Variants in RAPGEF3 observed in about 807,000 individuals in gnomAD.
RAPGEF3 encodes the protein 9330170P05Rik.
RAPGEF3 carries 103 observed loss-of-function variants against 129.8 expected under a neutral mutation model. The ratio of observed to expected loss-of-function variants is 0.79; its 90% CI spans 0.68 to 0.93. RAPGEF3 has a LOEUF of 0.93. RAPGEF3 is among the 40% of genes least tolerant of loss of function. The pLI, the probability that RAPGEF3 is intolerant of heterozygous loss-of-function variation, is 0.00. For missense variants in RAPGEF3, 1,117 were observed against 1,207.4 expected (o/e 0.93, Z 1.11); for synonymous variants, 436 against 482.6 (o/e 0.90, Z 1.26).
Position 47,740,185 on chromosome 12 carries a change from G to A in RAPGEF3, c.2329C>T (p.Pro777Ser). 3 of 1,613,650 alleles carry A rather than the reference G, an allele frequency of 1.9e-6. No homozygotes were observed. The highest frequency in any genetic ancestry group is 2.5e-6 in the Non-Finnish European group (3 of 1,179,872). The part of the protein sequence containing the change: ...SRLAHTWERL[P>S]HKVRKLYSAL... Reference sequence around the variant, plus strand: ...GAGTACAGCTTCCGGACTTTGTGAGGCAGCCGCTGTGAAAAGGAGGCAGAT... The same window carrying A: ...GAGTACAGCTTCCGGACTTTGTGAGACAGCCGCTGTGAAAAGGAGGCAGAT... Residue 777 changes from proline to serine, a missense_variant, in exon 23 of 28, where the codon CCT (proline) becomes TCT (serine). Pro to Ser is a moderately conservative substitution (Grantham distance 74). Around this residue, in one of 3 missense-constraint regions of RAPGEF3, gnomAD observed 643 missense variants for 673.4 expected, o/e 0.95. Transcript: ENST00000449771.
intron 18 of RAPGEF3, chr12:47,742,002 A>T (rs149739761): frequency 5.1e-6 from 1 of 195,536 alleles, no homozygotes; most frequent in African/African-American, 2.3e-5. Context: ...AGTGTCTTAT[A>T]TAAGCCTTGG....
At chr12:47,758,386 C>G in intron 1 of RAPGEF3, 165 bp downstream of exon 1, 1 of 1,516,092 alleles carries the variant, frequency 6.6e-7, no homozygotes, top group Non-Finnish European at 8.9e-7. Context: ...CAGTATGAAG[C>G]TATAGATTCA....
At chr12:47,756,966 T>TA (rs112318307) in intron 2 of RAPGEF3, among the ~76,000 whole-genome samples, 2,191 of 136,656 alleles carry the variant, frequency 0.016, 37 homozygotes, top group African/African-American at 0.054. Context: ...AGACTCTGGT[T>TA]AAAAAAAAAA....
Position 47,749,036 on chromosome 12 carries a change from G to T in RAPGEF3, c.1042-105C>A. 2.1e-6 allele frequency: 2 copies of T among 969,236 alleles called. No individual in the cohort carries two copies. Among genetic ancestry groups the T allele is most frequent in the Non-Finnish European group, 1.6e-6 (1 of 624,180 alleles). The allele number at this position is 969,236 out of a possible 1,614,324, so 60.0% of individuals were successfully genotyped here. A position where few individuals can be genotyped will look rare whatever the true frequency, so the allele number is the denominator to read the frequency against. ...CCCTGAGCCCCATGAGGGTCCCACA[G>T]GGACCCACAGCCCTTCTCCCACCTC... is the stretch of plus-strand genomic sequence containing the variant. On this transcript the variant is annotated intron_variant, in intron 10 of 27. Coordinates refer to ENST00000449771, the MANE Select transcript of RAPGEF3 (RefSeq NM_001098531.4). The surrounding 1 kb of genome is among the most constrained non-coding windows in gnomAD (Gnocchi z 4.5).
chr12:47,752,124 C>T (rs1941789382), intron 2 of RAPGEF3, among the ~76,000 whole-genome samples, 155 bp from the exon 3 acceptor site: 1 of 152,212 alleles, frequency 6.6e-6, no homozygotes, highest in African/African-American at 2.4e-5. Flanking sequence ...AATATTCACT[C>T]AGCACCCTGT....
chr12:47,758,773 G>T lies in RAPGEF3; in HGVS notation c.-217C>A. 1 of 1,226,932 alleles carries T rather than the reference G, an allele frequency of 8.2e-7. No homozygotes were observed. Among genetic ancestry groups the T allele is most frequent in the Non-Finnish European group, 1.0e-6 (1 of 982,606 alleles). 76.0% of individuals were successfully genotyped at this position (1,226,932 alleles called of 1,614,324 possible). ...CTTGGGTGAGTAGAGGGGTGGGGGCGTGGTGGGGGGACGCCACCCAGCCAC... is the reference window on the plus strand; with the variant it reads ...CTTGGGTGAGTAGAGGGGTGGGGGCTTGGTGGGGGGACGCCACCCAGCCAC... On this transcript the variant is annotated 5_prime_UTR_variant, in exon 1 of 28. Coordinates refer to ENST00000449771, the MANE Select transcript of RAPGEF3 (RefSeq NM_001098531.4).
intron 19 of RAPGEF3, 178 bp downstream of exon 19, chr12:47,741,327 C>T: frequency 1.4e-6 from 1 of 693,042 alleles, no homozygotes; most frequent in East Asian, 2.7e-5. Flanking sequence ...CCCTGCCCTG[C>T]ACTATCTTGG....
chr12:47,757,843 C>G, intron 2 of RAPGEF3, 23 bp downstream of exon 2: 1 of 1,544,116 alleles, frequency 6.5e-7, no homozygotes, highest in South Asian at 1.2e-5. Context: ...GCCCTGGCAC[C>G]TGGGCAGGTG....
rs924542127 is a variant in RAPGEF3 at position 47,748,738 on chromosome 12, G to T, written c.1154+81C>A. ...CATCCACAAGTGGCCAGAGGGCAGG[G>T]ATATGACACAGGGGAAGGGAGCAAA... On this transcript the variant is annotated intron_variant, in intron 11 of 27. Coordinates refer to ENST00000449771, the MANE Select transcript of RAPGEF3 (RefSeq NM_001098531.4). 14 of 1,186,356 alleles carry T rather than the reference G, an allele frequency of 1.2e-5. 1 individual carries two copies. The highest frequency in any genetic ancestry group is 1.8e-5 in the Non-Finnish European group (14 of 794,846). 73.5% of individuals were successfully genotyped at this position (1,186,356 alleles called of 1,614,324 possible).
At chr12:47,739,254 G>C (rs1047626495) in intron 23 of RAPGEF3, 24 bp from the exon 24 acceptor site, 5 of 1,565,284 alleles carry the variant, frequency 3.2e-6, no homozygotes, top group Admixed American at 3.4e-5. Flanking sequence ...CCACACTGAG[G>C]GGGTTGCACA....
intron 18 of RAPGEF3, 126 bp downstream of exon 18, chr12:47,743,404 C>G: frequency 1.6e-6 from 2 of 1,275,460 alleles, no homozygotes; most frequent in Non-Finnish European, 2.2e-6. Flanking sequence ...CCCATTAATG[C>G]TAGCCATCAT....
At position 47,740,912 on chromosome 12, in the gene RAPGEF3, T is replaced by C. The variant is rs2074533; in HGVS notation, c.2049+3A>G. ...TCTCCTCCCCCAGCTCTGCCTCCCA[T>C]ACCTGGTGGATACTGTTGAAGAGGC... On this transcript the variant is annotated splice_donor_region_variant and intron_variant, in intron 20 of 27. Transcript: ENST00000449771. 887,257 of 1,613,440 alleles carry C rather than the reference T, an allele frequency of 0.55. 246,385 individuals are homozygous for C. Among genetic ancestry groups the C allele is most frequent in the Middle Eastern group, 0.67 (4,047 of 6,058 alleles).
rs746296925 is a variant in RAPGEF3 at position 47,751,753 on chromosome 12, C to T, written c.350G>A (p.Arg117Gln). 3.7e-6 allele frequency: 6 copies of T among 1,613,630 alleles called. No individual in the cohort carries two copies. The highest frequency in any genetic ancestry group is 2.7e-5 in the African/African-American group (2 of 74,924). Residue 117 changes from arginine to glutamine, a missense_variant, in exon 4 of 28, where the codon CGA becomes CAA. Physicochemically the swap from Arg to Gln is conservative, Grantham distance 43 (BLOSUM62 1). Transcript: ENST00000449771. ...GAGCCTAAGGTGGTACTTCCGGTCT[C>T]GGATGAGGTTTGGGCAGGTGGCCAG... ...HLLATCPNLI[R>Q]DRKYHLRLYR...
intron 16 of RAPGEF3, 195 bp from the exon 17 acceptor site, chr12:47,744,263 C>T (rs1260335645): frequency 5.0e-6 from 3 of 599,424 alleles, no homozygotes; most frequent in African/African-American, 1.9e-5. Context: ...GAAGACACAA[C>T]ATGTCTAAGG....
At chr12:47,740,120 C>G in intron 23 of RAPGEF3, 21 bp downstream of exon 23, 2 of 1,609,698 alleles carry the variant, frequency 1.2e-6, no homozygotes, top group Non-Finnish European at 1.7e-6. Flanking sequence ...AGAGCCAGGC[C>G]GGGCAGGGTG....
chr12:47,751,373 G>A, intron 5 of RAPGEF3, 26 bp downstream of exon 5: 2 of 1,612,950 alleles, frequency 1.2e-6, no homozygotes, highest in South Asian at 2.2e-5. Flanking sequence ...CCAGCCCGGG[G>A]CACCCCACCC....
intron 15 of RAPGEF3, 48 bp from the exon 16 acceptor site, chr12:47,746,947 G>A (rs765114935): frequency 5.8e-6 from 9 of 1,560,990 alleles, no homozygotes; most frequent in Non-Finnish European, 7.8e-6. Flanking sequence ...TATCCCTGGG[G>A]CTGCAGCAGG....
chr12:47,735,381 A>C lies in RAPGEF3; in HGVS notation c.*2186T>G, dbSNP rs1368312360. On this transcript the variant is annotated 3_prime_UTR_variant, in exon 28 of 28. Coordinates refer to ENST00000449771, the MANE Select transcript of RAPGEF3 (RefSeq NM_001098531.4). The stretch of plus-strand genomic sequence containing the variant: ...GGCAGTCAGGGAGACAGAAGGCAGC[A>C]CAAACTCCCAGCATGGGGCCACCGT... 1.3e-5 allele frequency: 2 copies of C among 152,286 alleles called. No homozygotes were observed. The highest frequency in any genetic ancestry group is 2.9e-5 in the Non-Finnish European group (2 of 68,122). 9.4% of individuals were successfully genotyped at this position (152,286 alleles called of 1,614,324 possible).
At chr12:47,746,600 C>A in intron 16 of RAPGEF3, 1 of 701,446 alleles carries the variant, frequency 1.4e-6, no homozygotes, top group Non-Finnish European at 2.6e-6. Flanking sequence ...GCATGAATTA[C>A]CTCCCAAAAG....
Sources: gnomAD v4.1 joint callset for allele counts (sites outside exome capture counted in the v4.1 genomes callset) on GRCh38, gnomAD v4.1.1 for gene constraint, gnomAD v4.1.1 regional missense constraint, Gnocchi (gnomAD v3.1) non-coding constraint, MANE v1.5 for transcripts, NCBI Gene and HGNC (gene_info 2026-07-23, HGNC 2026-07-21) for gene names.